GRIN2A: variants seen among roughly 807,000 people sequenced by gnomAD.
GRIN2A encodes glutamate receptor ionotropic, NMDA 2A.
A neutral mutation model predicts 113.4 loss-of-function variants in GRIN2A; 22 were observed. The ratio of observed to expected loss-of-function variants is 0.19; its 90% CI spans 0.14 to 0.28. The LOEUF (loss-of-function observed/expected upper bound fraction) is 0.28. Ranked by LOEUF, GRIN2A falls within the 10% of genes least tolerant of loss-of-function variation. The pLI, the probability that GRIN2A is intolerant of heterozygous loss-of-function variation, is 1.00. For synonymous variants in GRIN2A, 827 were observed against 738.4 expected, an observed-to-expected ratio of 1.12 and a Z score of -1.94; for missense variants, 1,502 against 1,887.0, an observed-to-expected ratio of 0.80 and a Z score of 3.78.
chr16:10,025,442 T>C (rs935613457), intron 2 of GRIN2A, among the ~76,000 whole-genome samples: 3 of 151,838 alleles, frequency 2.0e-5, no homozygotes, highest in Admixed American at 1.3e-4. Flanking sequence ...GCTGGGACTA[T>C]AGGCCTATGC....
At chr16:9,799,291 T>C (rs926918427) in intron 10 of GRIN2A, among the ~76,000 whole-genome samples, 6 of 152,152 alleles carry the variant, frequency 3.9e-5, no homozygotes, top group African/African-American at 1.4e-4. Context: ...AGGAGAAATC[T>C]GAACACAGAC....
At chr16:9,885,438 G>C (rs531476320) in intron 4 of GRIN2A, among the ~76,000 whole-genome samples, 1 of 152,206 alleles carries the variant, frequency 6.6e-6, no homozygotes, top group Non-Finnish European at 1.5e-5. Context: ...ATTTGTGAGA[G>C]AAAGTCTGCT....
chr16:10,121,414 T>TA (rs931458096), intron 2 of GRIN2A: 114 of 152,180 alleles, frequency 7.5e-4, no homozygotes, highest in African/African-American at 2.6e-3. Flanking sequence ...CTTTTCAGAA[T>TA]AACATCCGAA....
chr16:10,036,857 A>C (rs1215799553), intron 2 of GRIN2A: 2 of 152,110 alleles, frequency 1.3e-5, no homozygotes, highest in Non-Finnish European at 2.9e-5. Context: ...TTATCAGATT[A>C]GGGCTCACAC....
At chr16:10,107,289 G>T (rs889096677) in intron 2 of GRIN2A, among the ~76,000 whole-genome samples, 6 of 152,196 alleles carry the variant, frequency 3.9e-5, no homozygotes, top group African/African-American at 1.4e-4. Context: ...GTAGGAAGAT[G>T]GATGAGGAAA....
intron 2 of GRIN2A, among the ~76,000 whole-genome samples, chr16:10,129,892 C>A (rs2049026273): frequency 6.6e-6 from 1 of 152,216 alleles, no homozygotes. Flanking sequence ...GCTGCTGTCA[C>A]TGAATGCAGA....
rs550283193 is a variant in GRIN2A, at chr16:9,904,643, G to T, written c.1008-13543C>A. On this transcript the variant is annotated intron_variant, in intron 3 of 12. Transcript: ENST00000330684. Reference sequence around the variant, plus strand: ...CCACCTCAGCCTCCCAAAGTGCTGGGATTACAAGGGTGAGCCACCGTGCCT... The same window carrying T: ...CCACCTCAGCCTCCCAAAGTGCTGGTATTACAAGGGTGAGCCACCGTGCCT... 8.5e-5 allele frequency among the ~76,000 whole-genome samples: 13 copies of T among 152,262 alleles called. No individual in the cohort carries two copies. In the East Asian group the frequency reaches 2.5e-3, roughly 29 times the overall value.
At chr16:10,130,322 G>T (rs144389344) in intron 2 of GRIN2A, among the ~76,000 whole-genome samples, 1 of 152,296 alleles carries the variant, frequency 6.6e-6, no homozygotes, top group Non-Finnish European at 1.5e-5. Context: ...GGCATACCAC[G>T]TGGCTGATCT....
intron 2 of GRIN2A, among the ~76,000 whole-genome samples, chr16:10,100,493 G>C (rs1394822964): frequency 2.0e-5 from 3 of 152,178 alleles, no homozygotes; most frequent in African/African-American, 7.2e-5. Flanking sequence ...TTCCTCATCT[G>C]TAAACTGGGA....
chr16:10,085,180 A>T (rs978278267), intron 2 of GRIN2A, among the ~76,000 whole-genome samples: 2 of 152,112 alleles, frequency 1.3e-5, no homozygotes, highest in African/African-American at 2.4e-5. Context: ...TAGAAAGGAG[A>T]GCTTTATTTC....
intron 10 of GRIN2A, among the ~76,000 whole-genome samples, chr16:9,818,015 G>A (rs916743117): frequency 6.6e-5 from 10 of 151,868 alleles, no homozygotes; most frequent in African/African-American, 2.2e-4. Flanking sequence ...TAAAGGACGA[G>A]AATGACTTTT....
intron 10 of GRIN2A, among the ~76,000 whole-genome samples, chr16:9,801,956 G>T (rs1200570910): frequency 6.6e-6 from 1 of 152,212 alleles, no homozygotes; most frequent in South Asian, 2.1e-4. Context: ...AGACAACTGC[G>T]TGTTTAAAAA....
chr16:10,180,576 C>T lies in GRIN2A; in HGVS notation c.-18-147G>A. Reference sequence around the variant, plus strand: ...GGGATCACGGACTCCATTCCGAGTCCCCGACGCCATCCACATCCCTCGATC... The same window carrying T: ...GGGATCACGGACTCCATTCCGAGTCTCCGACGCCATCCACATCCCTCGATC... On this transcript the variant is annotated intron_variant, in intron 1 of 12. Coordinates refer to ENST00000330684, the MANE Select transcript of GRIN2A (RefSeq NM_001134407.3). The surrounding 1 kb of genome is among the most constrained non-coding windows in gnomAD (Gnocchi z 7.0). The T allele has an allele frequency of 7.1e-7, 1 of 1,416,996 alleles. No homozygotes were observed. Among genetic ancestry groups the T allele is most frequent in the Non-Finnish European group, 9.4e-7 (1 of 1,065,732 alleles). The allele number at this position is 1,416,996 out of a possible 1,614,324, so 87.8% of individuals were successfully genotyped here. A position where few individuals can be genotyped will look rare whatever the true frequency, so the allele number is the denominator to read the frequency against.
chr16:10,012,613 G>A (rs1003751886), intron 2 of GRIN2A, among the ~76,000 whole-genome samples: 1 of 152,180 alleles, frequency 6.6e-6, no homozygotes, highest in African/African-American at 2.4e-5. Context: ...ACCTTACATG[G>A]CAAAAGGGAC....
At chr16:10,114,616 C>G (rs2048692763) in intron 2 of GRIN2A, among the ~76,000 whole-genome samples, 1 of 152,206 alleles carries the variant, frequency 6.6e-6, no homozygotes, top group Non-Finnish European at 1.5e-5. Flanking sequence ...GCTAAGAACA[C>G]TGCCCACTCA....
intron 2 of GRIN2A, among the ~76,000 whole-genome samples, chr16:10,149,654 C>T (rs934491658): frequency 7.9e-5 from 12 of 152,158 alleles, no homozygotes; most frequent in Admixed American, 1.3e-4. Flanking sequence ...TCCACCAGTA[C>T]CTCCTCACCC....
chr16:9,760,174 C>T lies in GRIN2A; in HGVS notation c.*2975G>A, dbSNP rs115979840. The T allele has an allele frequency of 7.9e-3, 1,776 of 225,854 alleles. 38 individuals carry two copies. The highest frequency in any genetic ancestry group is 0.037 in the African/African-American group (1,686 of 44,976). The allele number at this position is 225,854 out of a possible 1,614,324, so 14.0% of individuals were successfully genotyped here. A position where few individuals can be genotyped will look rare whatever the true frequency, so the allele number is the denominator to read the frequency against. ...AAGAACTCAGAGCTGGGATATGTTA[C>T]GGGAATCTTCTGTGATAGATCTATA... On this transcript the variant is annotated 3_prime_UTR_variant, in exon 13 of 13. Transcript: ENST00000330684.
intron 3 of GRIN2A, among the ~76,000 whole-genome samples, chr16:9,920,675 C>A (rs1476803488): frequency 6.6e-6 from 1 of 151,974 alleles, no homozygotes; most frequent in Non-Finnish European, 1.5e-5. Flanking sequence ...AAACGATTCC[C>A]CTGCCTCAGC....
chr16:9,784,502 G>C (rs149669641), intron 11 of GRIN2A, among the ~76,000 whole-genome samples: 4,595 of 149,382 alleles, frequency 0.031, 240 homozygotes, highest in African/African-American at 0.11. Flanking sequence ...AGAAAACCTA[G>C]GCAATACCAC....
Sources: gnomAD v4.1 joint callset for allele counts (sites outside exome capture counted in the v4.1 genomes callset) on GRCh38, gnomAD v4.1.1 for gene constraint, Gnocchi (gnomAD v3.1) non-coding constraint, MANE v1.5 for transcripts, NCBI Gene and HGNC (gene_info 2026-07-23, HGNC 2026-07-21) for gene names.